The following OR8J1 variants were observed in gnomAD, a reference collection of about 807,000 sequenced individuals.
The protein encoded by OR8J1 is olfactory receptor 8J1.
For missense variants in OR8J1, 400 were observed against 373.0 expected (o/e 1.07, Z -0.60); for synonymous variants, 157 against 144.3 (o/e 1.09, Z -0.63).
intron 1 of OR8J1, chr11:56,357,496 G>A: frequency 4.6e-6 from 4 of 860,738 alleles, no homozygotes; most frequent in Non-Finnish European, 7.9e-6. Flanking sequence ...GTAATAAACA[G>A]ATATATCATT....
intron 1 of OR8J1, among the ~76,000 whole-genome samples, chr11:56,356,815 T>A (rs1167674942): frequency 1.3e-5 from 2 of 152,170 alleles, no homozygotes; most frequent in African/African-American, 4.8e-5. Flanking sequence ...AAATTATTAT[T>A]TAAATGTTTC....
At chr11:56,357,001 A>G (rs1227258211) in intron 1 of OR8J1, among the ~76,000 whole-genome samples, 1 of 152,128 alleles carries the variant, frequency 6.6e-6, no homozygotes, top group Non-Finnish European at 1.5e-5. Flanking sequence ...TACATTGAGG[A>G]GATCATCTTG....
intron 1 of OR8J1, among the ~76,000 whole-genome samples, chr11:56,359,233 C>T (rs993578371): frequency 6.6e-6 from 1 of 151,950 alleles, no homozygotes; most frequent in Non-Finnish European, 1.5e-5. Flanking sequence ...ATATAAAGAA[C>T]TCAAGGGAAA....
intron 1 of OR8J1, among the ~76,000 whole-genome samples, chr11:56,359,949 T>C (rs944875064): frequency 2.0e-5 from 3 of 152,218 alleles, no homozygotes; most frequent in Non-Finnish European, 4.4e-5. Context: ...AAACTAAGAA[T>C]GTACTCATAA....
Sources: allele counts gnomAD v4.1 joint callset (sites outside exome capture counted in the v4.1 genomes callset), GRCh38; gene constraint gnomAD v4.1.1; transcripts MANE v1.5; gene names NCBI Gene and HGNC (gene_info 2026-07-23, HGNC 2026-07-21).